PDE8B: variants seen among roughly 807,000 people sequenced by gnomAD.
PDE8B encodes the protein phosphodiesterase 8B.
Under a neutral mutation model 101.3 loss-of-function variants are expected in PDE8B, and 26 were observed. The observed-to-expected ratio is 0.26, with a 90% CI of 0.19 to 0.36. The LOEUF is 0.36. PDE8B is among the 10% of genes least tolerant of loss of function. The probability of loss-of-function intolerance (pLI) is 1.00; values close to 1 mark genes in which losing one functional copy is unlikely to be tolerated. For missense variants in PDE8B, 810 were observed against 1,163.1 expected, an observed-to-expected ratio of 0.70 and a Z score of 4.42; for synonymous variants, 424 against 429.3, an observed-to-expected ratio of 0.99 and a Z score of 0.15.
chr5:77,106,599 A>C, the PDE8B span, among the ~76,000 whole-genome samples: 2 of 152,192 alleles, frequency 1.3e-5, no homozygotes, highest in Admixed American at 6.5e-5. Flanking sequence ...TAATTTCTAT[A>C]TAGAGTTTAG....
chr5:77,231,698 CT>C (rs367981021), intron 1 of PDE8B, among the ~76,000 whole-genome samples: 183 of 152,304 alleles, frequency 1.2e-3, no homozygotes, highest in African/African-American at 4.3e-3. Context: ...GTAGGTTCTG[CT>C]TACAGAGGTG....
chr5:77,207,453 C>T (rs1747592270), upstream of PDE8B, among the ~76,000 whole-genome samples: 1 of 152,170 alleles, frequency 6.6e-6, no homozygotes, highest in Non-Finnish European at 1.5e-5. Flanking sequence ...TTTTGTTTTA[C>T]AATATGTTTC....
At position 77,281,391 on chromosome 5, in the gene PDE8B, C is replaced by T. The variant is rs1030794553; in HGVS notation, c.340-30603C>T. ...ACTTAAAACAACAAAACATTATTCT[C>T]TTGTAGCTCTGGAGGCCAGAAATTC... On this transcript the variant is annotated intron_variant, in intron 1 of 21. Coordinates refer to ENST00000264917, the MANE Select transcript of PDE8B (RefSeq NM_003719.5). 3.3e-5 allele frequency among the ~76,000 whole-genome samples: 5 copies of T among 152,208 alleles called. No homozygotes were observed. In the South Asian group the frequency reaches 6.2e-4, roughly 19 times the overall value.
chr5:77,338,101 G>C (rs562466179), intron 6 of PDE8B, among the ~76,000 whole-genome samples: 36 of 152,328 alleles, frequency 2.4e-4, no homozygotes, highest in Admixed American at 3.9e-4. Flanking sequence ...GGAGCTTCAG[G>C]CTGTGTGATG....
At chr5:77,177,269 T>C in the PDE8B span, among the ~76,000 whole-genome samples, 70,824 of 151,706 alleles carry the variant, frequency 0.47, 16,793 homozygotes, top group African/African-American at 0.53. Context: ...CCCCCCCTTA[T>C]CCGCAAGGGA....
intron 1 of PDE8B, among the ~76,000 whole-genome samples, chr5:77,288,441 A>G (rs533065286): frequency 5.3e-5 from 8 of 152,172 alleles, no homozygotes; most frequent in Non-Finnish European, 1.2e-4. Flanking sequence ...TATCTATCTG[A>G]TACTTTCAAA....
chr5:77,185,465 G>A, the PDE8B span, among the ~76,000 whole-genome samples: 1 of 152,148 alleles, frequency 6.6e-6, no homozygotes, highest in Non-Finnish European at 1.5e-5. Flanking sequence ...TGGATTAGGA[G>A]CCATGTTAAT....
intron 17 of PDE8B, 77 bp from the exon 18 acceptor site, chr5:77,418,152 C>A: frequency 1.0e-6 from 1 of 964,490 alleles, no homozygotes; most frequent in Non-Finnish European, 1.7e-6. Context: ...CTGACCCGAC[C>A]CTCCGCACAG....
chr5:77,197,965 A>G, the PDE8B span, among the ~76,000 whole-genome samples: 1 of 151,104 alleles, frequency 6.6e-6, no homozygotes, highest in East Asian at 2.0e-4. Flanking sequence ...TTCTGTTTCT[A>G]TTGATTTTCC....
At chr5:77,394,060 T>A (rs544025633) in intron 10 of PDE8B, among the ~76,000 whole-genome samples, 2 of 152,316 alleles carry the variant, frequency 1.3e-5, no homozygotes, top group South Asian at 4.1e-4. Context: ...CTTACTGAAT[T>A]TATGCAAACA....
At chr5:77,260,287 A>T (rs560326310) in intron 1 of PDE8B, among the ~76,000 whole-genome samples, 1 of 152,338 alleles carries the variant, frequency 6.6e-6, no homozygotes, top group African/African-American at 2.4e-5. Context: ...CTCATATGGC[A>T]GTAGAAATTT....
At chr5:77,120,098 A>G in the PDE8B span, among the ~76,000 whole-genome samples, 1 of 152,250 alleles carries the variant, frequency 6.6e-6, no homozygotes, top group South Asian at 2.1e-4. Context: ...TTGCCCAGCC[A>G]TAAAAAGGAA....
At chr5:77,149,103 G>T in the PDE8B span, among the ~76,000 whole-genome samples, 1 of 152,112 alleles carries the variant, frequency 6.6e-6, no homozygotes, top group Non-Finnish European at 1.5e-5. Flanking sequence ...ATGGTTCCAG[G>T]ATCACTTGCT....
At chr5:77,380,121 G>C (rs1010308079) in intron 10 of PDE8B, among the ~76,000 whole-genome samples, 1 of 152,142 alleles carries the variant, frequency 6.6e-6, no homozygotes, top group African/African-American at 2.4e-5. Flanking sequence ...ATAACATTCA[G>C]GGGAATGGAG....
At chr5:77,400,408 A>T in intron 11 of PDE8B, 118 bp downstream of exon 11, 1 of 756,184 alleles carries the variant, frequency 1.3e-6, no homozygotes, top group Admixed American at 1.9e-5. Context: ...GGAGTGCTAA[A>T]ATCCACGTGC....
Position 77,407,384 on chromosome 5 carries a change from C to G in PDE8B, c.1292C>G (p.Pro431Arg), listed in dbSNP as rs540995150. ...AGCTTTCTTGCCTTCTCTCCAGCAC[C>G]AAGCCTGCAGAATCGTCGCTATCCG... ...KSISSRGSDA[P>R]SLQNRRYPSM... Residue 431 changes from proline to arginine, a missense_variant, in exon 13 of 22, where the codon CCA becomes CGA. Transcript: ENST00000264917. The G allele has an allele frequency of 6.2e-7, 1 of 1,613,830 alleles. No individual in the cohort carries two copies. Among genetic ancestry groups the G allele is most frequent in the African/African-American group, 1.3e-5 (1 of 75,044 alleles).
chr5:77,216,007 T>C (rs928888032), intron 1 of PDE8B, among the ~76,000 whole-genome samples: 1 of 152,174 alleles, frequency 6.6e-6, no homozygotes, highest in African/African-American at 2.4e-5. Flanking sequence ...CGGAGGGCTG[T>C]AGGTAACTTT....
the PDE8B span, chr5:77,180,579 G>C: frequency 1.3e-6 from 1 of 751,666 alleles, no homozygotes; most frequent in Non-Finnish European, 1.6e-6. Flanking sequence ...CCGGCTTCAG[G>C]GCCCCCTTTC....
the PDE8B span, among the ~76,000 whole-genome samples, chr5:77,137,585 G>C: frequency 5.9e-5 from 9 of 152,218 alleles, no homozygotes; most frequent in Admixed American, 5.9e-4. Context: ...GTGTCTTCAC[G>C]CAAAGTAAGA....
Sources: allele counts gnomAD v4.1 joint callset (sites outside exome capture counted in the v4.1 genomes callset), GRCh38; gene constraint gnomAD v4.1.1; transcripts MANE v1.5; gene names NCBI Gene and HGNC (gene_info 2026-07-23, HGNC 2026-07-21).